The following MGMT variants were observed in gnomAD, a reference collection of about 807,000 sequenced individuals.
MGMT encodes the protein O-6-methylguanine-DNA methyltransferase.
In MGMT, 14 loss-of-function variants were observed where a neutral mutation model predicts 15.9. That is an observed-to-expected ratio of 0.88 (90% CI 0.58 to 1.37). The LOEUF (loss-of-function observed/expected upper bound fraction) is 1.37. Ranked by LOEUF, MGMT falls within the 40% of genes most tolerant of loss-of-function variation. The pLI is 0.00. For synonymous variants in MGMT, 130 were observed against 118.2 expected (o/e 1.10, Z -0.65); for missense variants, 282 against 268.1 (o/e 1.05, Z -0.36).
rs184520333 is a variant in MGMT, at chr10:129,496,079, A to G, written c.-13+28783A>G. On this transcript the variant is annotated intron_variant, in intron 1 of 4. Coordinates refer to ENST00000651593, the MANE Select transcript of MGMT (RefSeq NM_002412.5). ...CAATGGGAGGCGGTTTTGTTTTACT[A>G]TTTGCCATTTAGAGTCTCACTTTTA... 6.1e-4 allele frequency among the ~76,000 whole-genome samples: 93 copies of G among 152,296 alleles called. No individual in the cohort carries two copies. In the East Asian group the frequency reaches 6.8e-3, roughly 11 times the overall value.
At chr10:129,647,627 A>T (rs1328580402) in intron 2 of MGMT, among the ~76,000 whole-genome samples, 1 of 152,230 alleles carries the variant, frequency 6.6e-6, no homozygotes, top group Non-Finnish European at 1.5e-5. Flanking sequence ...TTTGAACAAT[A>T]ATCTTTGTAA....
At chr10:129,600,222 C>T (rs1431987713) in intron 2 of MGMT, among the ~76,000 whole-genome samples, 5 of 152,164 alleles carry the variant, frequency 3.3e-5, no homozygotes, top group African/African-American at 4.8e-5. Context: ...GCTGCCATCT[C>T]GCACAAAATT....
At chr10:129,734,748 T>C (rs1848541066) in intron 3 of MGMT, among the ~76,000 whole-genome samples, 1 of 152,190 alleles carries the variant, frequency 6.6e-6, no homozygotes, top group Non-Finnish European at 1.5e-5. Context: ...AATACCTAAT[T>C]TATTGAGAGT....
intron 2 of MGMT, among the ~76,000 whole-genome samples, chr10:129,704,989 T>C (rs1442915824): frequency 6.6e-6 from 1 of 152,152 alleles, no homozygotes; most frequent in African/African-American, 2.4e-5. Flanking sequence ...CTGGGTCTCT[T>C]TCCCCCACAT....
intron 2 of MGMT, among the ~76,000 whole-genome samples, chr10:129,669,550 C>T (rs1847698273): frequency 6.6e-6 from 1 of 152,074 alleles, no homozygotes; most frequent in Non-Finnish European, 1.5e-5. Context: ...TTCTTCTCGA[C>T]ATTTTTCTTT....
chr10:129,680,965 C>G (rs956447659), intron 2 of MGMT, among the ~76,000 whole-genome samples: 1 of 152,214 alleles, frequency 6.6e-6, no homozygotes, highest in African/African-American at 2.4e-5. Context: ...GCTGGCAGTC[C>G]TTGTACTGAG....
At chr10:129,542,187 C>G (rs1220907484) in intron 2 of MGMT, among the ~76,000 whole-genome samples, 1 of 152,310 alleles carries the variant, frequency 6.6e-6, no homozygotes, top group South Asian at 2.1e-4. Context: ...TTTTGCCTCT[C>G]TCCTGCTCAT....
chr10:129,567,295 C>A (rs980351361), intron 2 of MGMT, among the ~76,000 whole-genome samples: 1 of 152,130 alleles, frequency 6.6e-6, no homozygotes, highest in African/African-American at 2.4e-5. Context: ...AGAAGAATGA[C>A]TGCTCCCTGC....
intron 3 of MGMT, among the ~76,000 whole-genome samples, chr10:129,713,530 G>T (rs759563623): frequency 4.6e-5 from 7 of 152,136 alleles, no homozygotes; most frequent in Non-Finnish European, 8.8e-5. Context: ...ATTGTCCGAT[G>T]TCTGGAATGA....
chr10:129,647,406 G>A (rs1012803838), intron 2 of MGMT, among the ~76,000 whole-genome samples: 2 of 152,206 alleles, frequency 1.3e-5, no homozygotes, highest in Admixed American at 6.5e-5. Flanking sequence ...GCGTGTGCTG[G>A]GAATTGGATG....
chr10:129,617,518 G>A (rs1279284045), intron 2 of MGMT, among the ~76,000 whole-genome samples: 1 of 152,118 alleles, frequency 6.6e-6, no homozygotes, highest in Non-Finnish European at 1.5e-5. Flanking sequence ...GCTTTCCACA[G>A]TGGCTGAACT....
intron 2 of MGMT, among the ~76,000 whole-genome samples, chr10:129,625,715 G>A (rs1392273972): frequency 1.8e-5 from 2 of 110,034 alleles, no homozygotes; most frequent in Non-Finnish European, 3.8e-5. Context: ...GCGTGTATAC[G>A]AGTGTGCACA....
intron 2 of MGMT, among the ~76,000 whole-genome samples, chr10:129,585,052 T>C (rs897441705): frequency 3.3e-5 from 5 of 152,198 alleles, no homozygotes; most frequent in African/African-American, 9.7e-5. Flanking sequence ...GAAAAACTTA[T>C]GGTTTTCTAA....
At chr10:129,547,657 T>C (rs1178721521) in intron 2 of MGMT, among the ~76,000 whole-genome samples, 2 of 152,244 alleles carry the variant, frequency 1.3e-5, no homozygotes, top group Non-Finnish European at 2.9e-5. Flanking sequence ...CTGCTTTTCC[T>C]GTGCCTTCTT....
intron 2 of MGMT, among the ~76,000 whole-genome samples, chr10:129,623,906 C>T (rs1253456483): frequency 6.6e-6 from 1 of 152,252 alleles, no homozygotes; most frequent in Non-Finnish European, 1.5e-5. Flanking sequence ...CAAGAAACAA[C>T]TTGAACGCAT....
intron 2 of MGMT, among the ~76,000 whole-genome samples, chr10:129,641,616 AT>A (rs1177775205): frequency 1.1e-4 from 16 of 152,304 alleles, no homozygotes; most frequent in African/African-American, 3.6e-4. Flanking sequence ...CATTTTTCAG[AT>A]TAAGGTAGTT....
At position 129,532,546 on chromosome 10, in the gene MGMT, G is replaced by A. The variant is rs963102603; in HGVS notation, c.-12-3695G>A. Among the ~76,000 whole-genome samples the A allele has an allele frequency of 6.6e-6, 1 of 152,002 alleles. No homozygotes were observed. The highest frequency in any genetic ancestry group is 6.5e-5 in the Admixed American group (1 of 15,274). On this transcript the variant is annotated intron_variant, in intron 1 of 4. Transcript: ENST00000651593. This position sits in a 1 kb window ranked among gnomAD's most constrained non-coding sequence, Gnocchi z 5.3. ...GGGTGGGGGACACCCCATCCCCCAT[G>A]CCCCTACTTCAGCTTGCTGGGATTC...
At chr10:129,733,565 T>C (rs1589965221) in intron 3 of MGMT, among the ~76,000 whole-genome samples, 1 of 151,758 alleles carries the variant, frequency 6.6e-6, no homozygotes, top group African/African-American at 2.4e-5. Flanking sequence ...TTAGTTTAAT[T>C]AGATCCCATT....
chr10:129,618,184 CT>C (rs998007765), intron 2 of MGMT, among the ~76,000 whole-genome samples: 7 of 152,058 alleles, frequency 4.6e-5, no homozygotes, highest in African/African-American at 1.7e-4. Context: ...CCCTAGAAAA[CT>C]TTTTTTAAAA....
Sources: allele counts gnomAD v4.1 joint callset (sites outside exome capture counted in the v4.1 genomes callset), GRCh38; gene constraint gnomAD v4.1.1; non-coding constraint Gnocchi (gnomAD v3.1); transcripts MANE v1.5; gene names NCBI Gene and HGNC (gene_info 2026-07-23, HGNC 2026-07-21).